Variants in ELF4 observed in about 807,000 individuals in gnomAD.
ELF4 encodes ETS-related transcription factor Elf-4.
Under a neutral mutation model 31.7 loss-of-function variants are expected in ELF4, and 10 were observed. That is an observed-to-expected ratio of 0.32 (90% CI 0.19 to 0.54). ELF4 has a LOEUF of 0.54. ELF4 is among the 20% of genes least tolerant of loss of function. ELF4 has a pLI of 0.95. For synonymous variants in ELF4, 208 were observed against 226.7 expected (o/e 0.92, Z 0.74); for missense variants, 418 against 522.0 (o/e 0.80, Z 1.94).
At chrX:130,067,685 G>A (rs983569859) in intron 8 of ELF4, among the ~76,000 whole-genome samples, 160 bp from the exon 9 acceptor site, 10 of 111,976 alleles carry the variant, frequency 8.9e-5, no homozygotes, top group East Asian at 5.6e-4. Flanking sequence ...TCTGCTGCCC[G>A]GGATGGAGTG....
At chrX:130,068,255 A>G (rs1932734683) in intron 8 of ELF4, among the ~76,000 whole-genome samples, 1 of 112,537 alleles carries the variant, frequency 8.9e-6, no homozygotes, top group African/African-American at 3.2e-5. Flanking sequence ...GAGGAAAGTG[A>G]GGCACAGAGA....
At chrX:130,099,643 T>G (rs1243549627) in intron 1 of ELF4, among the ~76,000 whole-genome samples, 1 of 110,933 alleles carries the variant, frequency 9.0e-6, no homozygotes, top group Non-Finnish European at 1.9e-5. Flanking sequence ...CCTTAATAGA[T>G]TTTCTTTTTT....
intron 1 of ELF4, among the ~76,000 whole-genome samples, chrX:130,089,530 A>C (rs868805345): frequency 2.7e-4 from 28 of 104,872 alleles, no homozygotes; most frequent in African/African-American, 9.0e-4. Flanking sequence ...AAAAAAAAAA[A>C]AAAAAAACAC....
intron 7 of ELF4, among the ~76,000 whole-genome samples, chrX:130,070,299 G>A (rs1002039791): frequency 2.7e-5 from 3 of 111,485 alleles, no homozygotes; most frequent in African/African-American, 9.8e-5. Context: ...GAGGCCAGGC[G>A]CCGTGACTCA....
At chrX:130,098,029 G>A (rs1205126018) in intron 1 of ELF4, among the ~76,000 whole-genome samples, 2 of 111,976 alleles carry the variant, frequency 1.8e-5, no homozygotes, top group Non-Finnish European at 3.8e-5. Context: ...GGCTGCCCCC[G>A]CCCTGCCTGG....
At position 130,070,448 on chromosome X, in the gene ELF4, G is replaced by A. The variant is rs375528964; in HGVS notation, c.809+592C>T. Reference sequence around the variant, plus strand: ...AAATTAGCCGGGCGTGGTGGCGGGCGCCTGTAGTCCCAGCTACTTGGGAGG... The same window carrying A: ...AAATTAGCCGGGCGTGGTGGCGGGCACCTGTAGTCCCAGCTACTTGGGAGG... On this transcript the variant is annotated intron_variant, in intron 7 of 8. Transcript: ENST00000308167. Among the ~76,000 whole-genome samples, 540 of 110,388 alleles carry A rather than the reference G, an allele frequency of 4.9e-3. 2 individuals carry two copies. Among genetic ancestry groups the A allele is most frequent in the African/African-American group, 0.017 (505 of 30,411 alleles).
chrX:130,074,119 G>A lies in ELF4; in HGVS notation c.270C>T (p.His90=), dbSNP rs765084440. Residue 90 remains histidine, a synonymous_variant, in exon 4 of 9, where the codon CAC becomes CAT. Coordinates refer to ENST00000308167, the MANE Select transcript of ELF4 (RefSeq NM_001421.4). The part of the protein sequence containing the change: ...LLTDDNEATS[H]TMSTAEVLLN... ...GTAAGACTTCCGCGGTTGACATGGT[G>A]TGCGAGGTGGCCTCATTGTCATCTG... is the stretch of plus-strand genomic sequence containing the variant. 2.1e-5 allele frequency: 26 copies of A among 1,209,997 alleles called. No homozygotes were observed. In the East Asian group the frequency reaches 7.7e-4, roughly 36 times the overall value.
At chrX:130,094,186 C>G (rs1019303759) in intron 1 of ELF4, among the ~76,000 whole-genome samples, 1 of 111,355 alleles carries the variant, frequency 9.0e-6, no homozygotes. Flanking sequence ...GAGTTCGAGA[C>G]CAGCCTGGTC....
At chrX:130,106,219 C>T in intron 1 of ELF4, among the ~76,000 whole-genome samples, 1 of 108,612 alleles carries the variant, frequency 9.2e-6, no homozygotes, top group Non-Finnish European at 1.9e-5. Flanking sequence ...CCTCCAGCTG[C>T]TGCTGACCTC....
chrX:130,074,214 A>C, intron 3 of ELF4, 73 bp from the exon 4 acceptor site: 1 of 1,049,473 alleles, frequency 9.5e-7, no homozygotes, highest in Non-Finnish European at 1.3e-6. Flanking sequence ...TACAGCTATA[A>C]TCAGGGCCAG....
intron 2 of ELF4, among the ~76,000 whole-genome samples, chrX:130,079,271 A>T (rs890173289): frequency 9.0e-6 from 1 of 110,526 alleles, no homozygotes; most frequent in Non-Finnish European, 1.9e-5. Context: ...CAGCCTGCCC[A>T]ACATGGTGAA....
chrX:130,110,322 T>C lies in ELF4; in HGVS notation c.-210+3A>G, dbSNP rs1396871185. 9.2e-6 allele frequency: 1 copy of C among 109,047 alleles called. No individual in the cohort carries two copies. The highest frequency in any genetic ancestry group is 1.9e-5 in the Non-Finnish European group (1 of 51,885). The allele number at this position is 109,047 out of a possible 1,213,427, so 9.0% of individuals were successfully genotyped here. Reference sequence around the variant, plus strand: ...GCTCGAAGAACCGGCGCCATCGACGTACCTGAGGCCGAGTGGCTCACGGGC... The same window carrying C: ...GCTCGAAGAACCGGCGCCATCGACGCACCTGAGGCCGAGTGGCTCACGGGC... On this transcript the variant is annotated splice_donor_region_variant and intron_variant, in intron 1 of 8. Transcript: ENST00000308167.
chrX:130,098,832 A>T (rs1029265546), intron 1 of ELF4, among the ~76,000 whole-genome samples: 1 of 111,975 alleles, frequency 8.9e-6, no homozygotes. Context: ...CCTCTGACCC[A>T]CCTGCAGGCA....
At chrX:130,085,749 A>G (rs181456330) in intron 1 of ELF4, among the ~76,000 whole-genome samples, 2 of 111,525 alleles carry the variant, frequency 1.8e-5, no homozygotes, top group Non-Finnish European at 3.8e-5. Context: ...CTCATCCTCC[A>G]TGAAACCTTT....
chrX:130,083,253 C>T (rs966502763), intron 1 of ELF4, among the ~76,000 whole-genome samples: 1 of 107,742 alleles, frequency 9.3e-6, no homozygotes, highest in Non-Finnish European at 1.9e-5. Context: ...GCCCCAGGTT[C>T]ACTCCTCCCA....
chrX:130,096,957 T>C (rs1379063131), intron 1 of ELF4, among the ~76,000 whole-genome samples: 1 of 110,871 alleles, frequency 9.0e-6, no homozygotes, highest in Admixed American at 9.7e-5. Flanking sequence ...GGTAATCTTT[T>C]GCTAAAGGCT....
At position 130,102,934 on chromosome X, in the gene ELF4, G is replaced by A. The variant is rs1412298719; in HGVS notation, c.-210+7391C>T. Among the ~76,000 whole-genome samples the A allele has an allele frequency of 5.9e-3, 569 of 96,020 alleles. 17 individuals are homozygous for A. Among genetic ancestry groups the A allele is most frequent in the African/African-American group, 0.023 (503 of 21,745 alleles). 83.4% of individuals were successfully genotyped at this position (96,020 alleles called of 115,157 possible). A position where few individuals can be genotyped will look rare whatever the true frequency, so the allele number is the denominator to read the frequency against. On this transcript the variant is annotated intron_variant, in intron 1 of 8. Transcript: ENST00000308167. ...AGAAAGAAAGAAAGAGAGAGAAGGA[G>A]GGAGGGAGGAAGGAAGGAAGGGAGG...
At chrX:130,081,177 C>CCCTGGCTGTCTG in intron 2 of ELF4, 79 bp downstream of exon 2, 1 of 1,096,660 alleles carries the variant, frequency 9.1e-7, no homozygotes, top group Non-Finnish European at 1.3e-6. Flanking sequence ...CCAGCTGGCT[C>CCCTGGCTGTCTG]CCTGGCTGTC....
At chrX:130,076,622 G>T (rs965166345) in intron 2 of ELF4, among the ~76,000 whole-genome samples, 3 of 110,988 alleles carry the variant, frequency 2.7e-5, no homozygotes, top group Non-Finnish European at 5.7e-5. Context: ...GTAGAGATGG[G>T]GTTTCACCAT....
Sources: allele counts gnomAD v4.1 joint callset (sites outside exome capture counted in the v4.1 genomes callset), GRCh38; gene constraint gnomAD v4.1.1; transcripts MANE v1.5; gene names NCBI Gene and HGNC (gene_info 2026-07-23, HGNC 2026-07-21).